The following EIF4G3 variants were observed in gnomAD, a reference collection of about 807,000 sequenced individuals.
EIF4G3 encodes the protein eukaryotic translation initiation factor 4 gamma 3, also known as eIF-4-gamma 3.
A neutral mutation model predicts 186.4 loss-of-function variants in EIF4G3; 34 were observed. The ratio of observed to expected loss-of-function variants is 0.18; its 90% CI spans 0.14 to 0.24. EIF4G3 has a LOEUF of 0.24. Among genes scored for constraint, EIF4G3 ranks in the 10% least tolerant of loss-of-function variants. The pLI is 1.00. For synonymous variants in EIF4G3, 673 were observed against 679.5 expected, an observed-to-expected ratio of 0.99 and a Z score of 0.15; for missense variants, 1,536 against 1,948.5, an observed-to-expected ratio of 0.79 and a Z score of 3.99.
At chr1:20,846,226 T>C (rs1388849471) in intron 29 of EIF4G3, among the ~76,000 whole-genome samples, 1 of 152,188 alleles carries the variant, frequency 6.6e-6, no homozygotes, top group Non-Finnish European at 1.5e-5. Flanking sequence ...GTTCATGTCA[T>C]CTGCAAACAG....
chr1:20,986,808 G>A (rs2079660949), intron 7 of EIF4G3, among the ~76,000 whole-genome samples: 1 of 141,046 alleles, frequency 7.1e-6, no homozygotes, highest in African/African-American at 2.6e-5. Context: ...CCAAGTAACT[G>A]ATAAAAATGC....
At chr1:20,870,851 G>A (rs2078988411) in intron 20 of EIF4G3, among the ~76,000 whole-genome samples, 1 of 152,168 alleles carries the variant, frequency 6.6e-6, no homozygotes, top group Admixed American at 6.5e-5. Flanking sequence ...AGCAGAAGCA[G>A]CAAAATACTC....
chr1:20,981,737 T>A (rs1264578018), intron 8 of EIF4G3, among the ~76,000 whole-genome samples: 1 of 144,422 alleles, frequency 6.9e-6, no homozygotes, highest in Non-Finnish European at 1.6e-5. Context: ...GCACATACTG[T>A]ATATACACAT....
chr1:21,050,791 G>A (rs769557459), intron 4 of EIF4G3, 75 bp downstream of exon 4: 2 of 669,970 alleles, frequency 3.0e-6, no homozygotes, highest in Non-Finnish European at 5.4e-6. Context: ...TTACTGCTTA[G>A]GAGTCTCTTT....
At chr1:21,076,139 T>C (rs1156309112) in intron 3 of EIF4G3, among the ~76,000 whole-genome samples, 1 of 152,180 alleles carries the variant, frequency 6.6e-6, no homozygotes, top group African/African-American at 2.4e-5. Flanking sequence ...TCATACCAAG[T>C]ATCTTTTCTG....
At position 20,869,705 on chromosome 1, in the gene EIF4G3, G is replaced by A. The variant is rs1357761997; in HGVS notation, c.2623-4443C>T. Among the ~76,000 whole-genome samples the A allele has an allele frequency of 2.7e-5, 4 of 150,062 alleles. 1 individual carries two copies. The highest frequency in any genetic ancestry group is 9.8e-5 in the African/African-American group (4 of 40,676). The stretch of plus-strand genomic sequence containing the variant: ...CAGGAGAATGGCTTGAACCCGGGAG[G>A]CGAAGCTTGCAGTGAGCCGAGATTG... On this transcript the variant is annotated intron_variant, in intron 20 of 36. Coordinates refer to ENST00000602326, the MANE Select transcript of EIF4G3 (RefSeq NM_001391906.1).
intron 4 of EIF4G3, among the ~76,000 whole-genome samples, chr1:21,022,798 G>T (rs1261682074): frequency 6.6e-6 from 1 of 152,218 alleles, no homozygotes; most frequent in Non-Finnish European, 1.5e-5. Flanking sequence ...ACAGGTGGAA[G>T]TATTACAGTA....
At chr1:20,851,142 T>C (rs544626162) in intron 28 of EIF4G3, 116 bp downstream of exon 28, 1 of 847,478 alleles carries the variant, frequency 1.2e-6, no homozygotes. Flanking sequence ...CTTCAGATGC[T>C]GGTATGTGTT....
At chr1:21,067,129 TTC>T (rs2095271106) in intron 3 of EIF4G3, among the ~76,000 whole-genome samples, 2 of 136,312 alleles carry the variant, frequency 1.5e-5, no homozygotes, top group Admixed American at 7.5e-5. Flanking sequence ...TTTTTTTCTT[TTC>T]TTTTTTTTTT....
intron 3 of EIF4G3, among the ~76,000 whole-genome samples, chr1:21,051,832 A>G (rs111958094): frequency 1.2e-3 from 187 of 152,326 alleles, no homozygotes; most frequent in African/African-American, 4.3e-3. Context: ...CCACTGTACT[A>G]CAACCTGAGT....
chr1:21,050,535 G>A (rs138764840), intron 4 of EIF4G3, among the ~76,000 whole-genome samples: 143 of 152,338 alleles, frequency 9.4e-4, no homozygotes, highest in Non-Finnish European at 1.6e-3. Flanking sequence ...AAAGGGGTGC[G>A]AGACGGTAGC....
At chr1:20,827,080 A>G (rs1247558984) in intron 32 of EIF4G3, among the ~76,000 whole-genome samples, 1 of 151,974 alleles carries the variant, frequency 6.6e-6, no homozygotes, top group East Asian at 1.9e-4. Context: ...GTCAGAAATC[A>G]CTCCAGAATC....
At chr1:20,944,235 C>CAGGGTGTG (rs2095847645) in intron 13 of EIF4G3, among the ~76,000 whole-genome samples, 1 of 151,858 alleles carries the variant, frequency 6.6e-6, no homozygotes, top group Non-Finnish European at 1.5e-5. Flanking sequence ...AAAAATAGGG[C>CAGGGTGTG]AGGGTGTGAT....
chr1:20,963,725 G>A (rs938016066), intron 12 of EIF4G3, among the ~76,000 whole-genome samples: 6 of 152,004 alleles, frequency 3.9e-5, no homozygotes, highest in African/African-American at 4.8e-5. Context: ...AGGCTGAGGC[G>A]AGCAGATCAC....
chr1:21,058,792 C>T (rs2094721591), intron 3 of EIF4G3, among the ~76,000 whole-genome samples: 1 of 124,444 alleles, frequency 8.0e-6, no homozygotes, highest in Admixed American at 9.9e-5. Flanking sequence ...TGGTCTCAAA[C>T]TCTGAAACTC....
chr1:21,011,230 A>G (rs1221840355), intron 4 of EIF4G3, among the ~76,000 whole-genome samples: 2 of 151,122 alleles, frequency 1.3e-5, no homozygotes, highest in Non-Finnish European at 3.0e-5. Context: ...AAAGGAAAGA[A>G]AAAAAAAAGC....
intron 34 of EIF4G3, among the ~76,000 whole-genome samples, chr1:20,815,726 T>G (rs1360060113): frequency 7.9e-6 from 1 of 126,300 alleles, no homozygotes; most frequent in Non-Finnish European, 1.7e-5. Context: ...CCGCCCCTAC[T>G]GGGAAGTGAG....
In EIF4G3 at chr1:20,942,688, C is replaced by T. The variant is rs1473074964; in HGVS notation, c.824-358G>A. Among the ~76,000 whole-genome samples, 3 of 152,222 alleles carry T rather than the reference C, an allele frequency of 2.0e-5. No individual in the cohort carries two copies. The East Asian group carries it at 5.8e-4, about 29-fold the overall frequency. On this transcript the variant is annotated intron_variant, in intron 13 of 36. Coordinates refer to ENST00000602326, the MANE Select transcript of EIF4G3 (RefSeq NM_001391906.1). ...GAAAACCTTCATTTCTACCACTTCT[C>T]GTTCCCTAAAAAACTTTTTTTCCAA...
intron 30 of EIF4G3, among the ~76,000 whole-genome samples, chr1:20,834,664 G>A (rs2066232636): frequency 6.6e-6 from 1 of 152,106 alleles, no homozygotes; most frequent in Non-Finnish European, 1.5e-5. Context: ...TAATGATAAA[G>A]GAATCCATTT....
Sources: allele counts gnomAD v4.1 joint callset (sites outside exome capture counted in the v4.1 genomes callset), GRCh38; gene constraint gnomAD v4.1.1; transcripts MANE v1.5; gene names NCBI Gene and HGNC (gene_info 2026-07-23, HGNC 2026-07-21).